Variants in ACAN observed in about 807,000 individuals in gnomAD.
ACAN encodes aggrecan.
ACAN carries 47 observed loss-of-function variants against 169.1 expected under a neutral mutation model. The ratio of observed to expected loss-of-function variants is 0.28; its 90% CI spans 0.22 to 0.35. The LOEUF is 0.35. Ranked by LOEUF, ACAN falls within the 10% of genes least tolerant of loss-of-function variation. The pLI is 1.00. For missense variants in ACAN, 2,716 were observed against 2,759.9 expected (o/e 0.98, Z 0.36); for synonymous variants, 1,115 against 1,112.2 (o/e 1.00, Z -0.05).
At chr15:88,847,093 A>G in intron 7 of ACAN, 150 bp from the exon 8 acceptor site, 1 of 873,106 alleles carries the variant, frequency 1.1e-6, no homozygotes, top group South Asian at 2.1e-5. Flanking sequence ...CATCACACCC[A>G]CGTGGCTACC....
In ACAN at chr15:88,839,349, G is replaced by A. The variant is rs965300252; in HGVS notation, c.454+303G>A. ...CATTTTACAGACAAGCAAACTGAGG[G>A]CAAGTGACTTGCCTGAGGTTACCCT... On this transcript the variant is annotated intron_variant, in intron 3 of 18. Coordinates refer to ENST00000560601, the MANE Select transcript of ACAN (RefSeq NM_001369268.1). This position sits in a 1 kb window ranked among gnomAD's most constrained non-coding sequence, Gnocchi z 4.5. Among the ~76,000 whole-genome samples, 12 of 152,202 alleles carry A rather than the reference G, an allele frequency of 7.9e-5. No homozygotes were observed. The highest frequency in any genetic ancestry group is 2.6e-4 in the Admixed American group (4 of 15,282).
At chr15:88,853,287 C>T (rs924626334) in intron 11 of ACAN, among the ~76,000 whole-genome samples, 2 of 152,130 alleles carry the variant, frequency 1.3e-5, no homozygotes, top group African/African-American at 2.4e-5. Flanking sequence ...TATCTGGGAA[C>T]GATTTGCACT....
intron 1 of ACAN, among the ~76,000 whole-genome samples, chr15:88,812,307 A>G (rs1342056817): frequency 1.3e-5 from 2 of 151,844 alleles, no homozygotes; most frequent in African/African-American, 4.8e-5. Flanking sequence ...ACCCCCTCCT[A>G]AGTCACTGCA....
rs1194123314 is a variant in ACAN, at chr15:88,857,154, G to A, written c.4569G>A (p.Glu1523=). ...EGLETSASGV[E]DLSRLPSGEE... ...TAGAGACCTCTGCTTCTGGAGTAGA[G>A]GACCTCAGCAGGCTCCCTTCTGGAG... The change falls in exon 12 of 19, where the codon GAG becomes GAA. Residue 1523 remains glutamate (E), a synonymous_variant. Coordinates refer to ENST00000560601, the MANE Select transcript of ACAN (RefSeq NM_001369268.1). The A allele has an allele frequency of 1.2e-6, 2 of 1,612,068 alleles. No homozygotes were observed. The highest frequency in any genetic ancestry group is 1.7e-6 in the Non-Finnish European group (2 of 1,178,918).
chr15:88,853,821 CTT>C (rs141716286), intron 11 of ACAN, among the ~76,000 whole-genome samples: 2,963 of 148,304 alleles, frequency 0.02, 105 homozygotes, highest in African/African-American at 0.07. Flanking sequence ...TAAAAAGAAT[CTT>C]TTTCGGGTCC....
intron 1 of ACAN, among the ~76,000 whole-genome samples, chr15:88,808,627 A>G (rs1895744532): frequency 6.6e-6 from 1 of 152,150 alleles, no homozygotes; most frequent in Non-Finnish European, 1.5e-5. Flanking sequence ...CTGGAGACTG[A>G]GGTGCTTGCT....
Position 88,806,438 on chromosome 15 carries a change from G to A in ACAN, c.-8+2629G>A, listed in dbSNP as rs562492649. On this transcript the variant is annotated intron_variant, in intron 1 of 18. Transcript: ENST00000560601. ...CCAATGTTGGCTCACTGCAACCTCC[G>A]CCTCCCAGGTTCAAGTGATTCTTGT... Among the ~76,000 whole-genome samples the A allele has an allele frequency of 1.1e-4, 17 of 151,338 alleles. No individual in the cohort carries two copies. The East Asian group carries it at 1.6e-3, about 14-fold the overall frequency.
In ACAN at chr15:88,855,211, G is replaced by A; in HGVS notation, c.2626G>A (p.Val876Ile). 1 of 1,604,304 alleles carries A rather than the reference G, an allele frequency of 6.2e-7. No individual in the cohort carries two copies. Among genetic ancestry groups the A allele is most frequent in the South Asian group, 1.1e-5 (1 of 90,614 alleles). ...TGGTGACTTCACAGGCAGTGGAGAT[G>A]TTTCAGGACACCTTGACTTCAGTGG... ...VSGDFTGSGD[V>I]SGHLDFSGQL... is the part of the protein sequence containing the mutation. Residue 876 changes from valine to isoleucine, a missense_variant, in exon 12 of 19, where the codon GTT (valine) becomes ATT (isoleucine). Physicochemically the swap from Val to Ile is conservative, Grantham distance 29. Around this residue, in one of 3 missense-constraint regions of ACAN, gnomAD observed 1,283 missense variants for 1,281.5 expected, o/e 1.00. Transcript: ENST00000560601.
chr15:88,874,103 G>T lies in ACAN; in HGVS notation c.7630+79G>T. 6.4e-7 allele frequency: 1 copy of T among 1,553,014 alleles called. No homozygotes were observed. The highest frequency in any genetic ancestry group is 8.7e-7 in the Non-Finnish European group (1 of 1,148,212). On this transcript the variant is annotated intron_variant, in intron 18 of 18. Coordinates refer to ENST00000560601, the MANE Select transcript of ACAN (RefSeq NM_001369268.1). This position sits in a 1 kb window ranked among gnomAD's most constrained non-coding sequence, Gnocchi z 7.3. ...AGCCTTCCCCCCGTCCCCTCTCCTGGGGACCCTACACCGTCCACAGGGTTG... is the reference window on the plus strand; with the variant it reads ...AGCCTTCCCCCCGTCCCCTCTCCTGTGGACCCTACACCGTCCACAGGGTTG...
chr15:88,840,329 A>G lies in ACAN; in HGVS notation c.629+143A>G, dbSNP rs972366708. ...AGCCTAGGTTAGAGGCCGTGGTCACACCTTGGCCAAACAGCAGCTCAATGA... is the reference window on the plus strand; with the variant it reads ...AGCCTAGGTTAGAGGCCGTGGTCACGCCTTGGCCAAACAGCAGCTCAATGA... On this transcript the variant is annotated intron_variant, in intron 4 of 18. Transcript: ENST00000560601. The G allele has an allele frequency of 4.8e-6, 5 of 1,051,540 alleles. No individual in the cohort carries two copies. In the African/African-American group the frequency reaches 4.8e-5, roughly 10 times the overall value. 65.1% of individuals were successfully genotyped at this position (1,051,540 alleles called of 1,614,324 possible).
At position 88,855,445 on chromosome 15, in the gene ACAN, C is replaced by G. The variant is rs569930044; in HGVS notation, c.2860C>G (p.Leu954Val). The G allele has an allele frequency of 1.2e-6, 2 of 1,613,834 alleles. No individual in the cohort carries two copies. The highest frequency in any genetic ancestry group is 1.7e-6 in the Non-Finnish European group (2 of 1,179,854). ...GGGCTCTGCCTCTGGAGTTGGGGAT[C>G]TCAGTGGACTTCCTTCTGGAGAAGT... ...LEGSASGVGD[L>V]SGLPSGEVLE... The change falls in exon 12 of 19, where the codon CTC (leucine) becomes GTC (valine). Residue 954 changes from leucine (L) to valine (V), a missense_variant. Transcript: ENST00000560601.
At chr15:88,842,522 C>A (rs76712280) in intron 5 of ACAN, among the ~76,000 whole-genome samples, 5 of 57,374 alleles carry the variant, frequency 8.7e-5, no homozygotes, top group Admixed American at 4.6e-4. Context: ...CCCCCCTCCC[C>A]CCTACCTGAG....
At chr15:88,827,592 T>A (rs542544287) in intron 1 of ACAN, among the ~76,000 whole-genome samples, 85 of 152,222 alleles carry the variant, frequency 5.6e-4, no homozygotes, top group African/African-American at 1.9e-3. Context: ...ACCCATTAGT[T>A]GGGTGGCTAC....
intron 1 of ACAN, among the ~76,000 whole-genome samples, chr15:88,808,465 A>G (rs934476199): frequency 1.3e-5 from 2 of 152,154 alleles, no homozygotes; most frequent in African/African-American, 4.8e-5. Flanking sequence ...CCTGCCCTCC[A>G]CCTACTTACA....
At chr15:88,817,940 G>C (rs1168703447) in intron 1 of ACAN, among the ~76,000 whole-genome samples, 2 of 150,986 alleles carry the variant, frequency 1.3e-5, no homozygotes, top group Non-Finnish European at 1.5e-5. Context: ...AAGATAACCA[G>C]AGTTAAATTT....
chr15:88,874,116 G>A lies in ACAN; in HGVS notation c.7630+92G>A, dbSNP rs771477349. Reference sequence around the variant, plus strand: ...TCCCCTCTCCTGGGGACCCTACACCGTCCACAGGGTTGAGCAAGGGAAGGG... The same window carrying A: ...TCCCCTCTCCTGGGGACCCTACACCATCCACAGGGTTGAGCAAGGGAAGGG... On this transcript the variant is annotated intron_variant, in intron 18 of 18. Coordinates refer to ENST00000560601, the MANE Select transcript of ACAN (RefSeq NM_001369268.1). This position sits in a 1 kb window ranked among gnomAD's most constrained non-coding sequence, Gnocchi z 7.3. 59 of 1,513,142 alleles carry A rather than the reference G, an allele frequency of 3.9e-5. No individual in the cohort carries two copies. The highest frequency in any genetic ancestry group is 9.4e-5 in the East Asian group (4 of 42,464). 93.7% of individuals were successfully genotyped at this position (1,513,142 alleles called of 1,614,324 possible).
chr15:88,855,332 G>A lies in ACAN; in HGVS notation c.2747G>A (p.Ser916Asn). ...GTGGGCTCAGGCCTGCCTGTGGAAA[G>A]TGGACTACCCTCAGGGGATGAAGAG... ...STVGSGLPVE[S>N]GLPSGDEERI... Residue 916 changes from serine to asparagine, a missense_variant, in exon 12 of 19, where the codon AGT becomes AAT. Coordinates refer to ENST00000560601, the MANE Select transcript of ACAN (RefSeq NM_001369268.1). 7.4e-6 allele frequency: 12 copies of A among 1,612,526 alleles called. No homozygotes were observed. Among genetic ancestry groups the A allele is most frequent in the Non-Finnish European group, 9.3e-6 (11 of 1,178,966 alleles).
At chr15:88,808,753 C>A (rs1895748302) in intron 1 of ACAN, among the ~76,000 whole-genome samples, 1 of 152,164 alleles carries the variant, frequency 6.6e-6, no homozygotes, top group African/African-American at 2.4e-5. Context: ...TGTCAATAGT[C>A]CCAAGGCTGA....
At chr15:88,825,371 A>G (rs1205061143) in intron 1 of ACAN, among the ~76,000 whole-genome samples, 1 of 152,234 alleles carries the variant, frequency 6.6e-6, no homozygotes, top group African/African-American at 2.4e-5. Context: ...ATCACTCTGT[A>G]TCTCTTCTCC....
Sources: gnomAD v4.1 joint callset for allele counts (sites outside exome capture counted in the v4.1 genomes callset) on GRCh38, gnomAD v4.1.1 for gene constraint, gnomAD v4.1.1 regional missense constraint, Gnocchi (gnomAD v3.1) non-coding constraint, MANE v1.5 for transcripts, NCBI Gene and HGNC (gene_info 2026-07-23, HGNC 2026-07-21) for gene names.